Variants in MTRR observed in about 807,000 individuals in gnomAD.
MTRR encodes methionine synthase reductase.
Under a neutral mutation model 79.2 loss-of-function variants are expected in MTRR, and 63 were observed. That is an observed-to-expected ratio of 0.80 (90% confidence interval 0.65 to 0.98). MTRR has a LOEUF of 0.98. Ranked by LOEUF, MTRR falls within the 50% of genes least tolerant of loss-of-function variation. MTRR has a pLI of 0.00. For synonymous variants in MTRR, 355 were observed against 313.3 expected (o/e 1.13, Z -1.41); for missense variants, 895 against 839.6 (o/e 1.07, Z -0.82).
chr5:7,886,620 A>C lies in MTRR; in HGVS notation c.1063A>C (p.Thr355Pro), dbSNP rs375332745. ...IKADTKKKGA[T>P]LPQHIPAGCS... ...TCCCGTCTTTACCTGAAAAGGAGCT[A>C]CCTTACCCCAGCATATACCTGCGGG... The change falls in exon 8 of 15, where the codon ACC (threonine) becomes CCC (proline). Residue 355 changes from threonine (T) to proline (P), a missense_variant. By Grantham distance (38) the Thr-to-Pro change is conservative (BLOSUM62 -1). Transcript: ENST00000440940. 6.8e-6 allele frequency: 11 copies of C among 1,612,742 alleles called. No homozygotes were observed. The highest frequency in any genetic ancestry group is 7.6e-6 in the Non-Finnish European group (9 of 1,178,942).
chr5:7,866,594 G>A, upstream of MTRR: 7 of 1,342,290 alleles, frequency 5.2e-6, no homozygotes, highest in South Asian at 2.9e-5. Context: ...TGAAACCACT[G>A]CCAGTTCAAA....
At chr5:7,895,419 C>T (rs1391365957) in intron 11 of MTRR, among the ~76,000 whole-genome samples, 1 of 152,016 alleles carries the variant, frequency 6.6e-6, no homozygotes, top group Non-Finnish European at 1.5e-5. Context: ...TATTGTCTGC[C>T]CACCAGAAAG....
chr5:7,875,228 G>GTATTTGCATTA, intron 3 of MTRR, 30 bp from the exon 4 acceptor site: 1 of 1,404,956 alleles, frequency 7.1e-7, no homozygotes, highest in East Asian at 2.3e-5. Flanking sequence ...AAACTTTATT[G>GTATTTGCATTA]TGCATTAATT....
intron 1 of MTRR, among the ~76,000 whole-genome samples, chr5:7,856,355 T>A (rs918313228): frequency 3.3e-5 from 5 of 152,180 alleles, no homozygotes; most frequent in African/African-American, 1.2e-4. Context: ...TCCTTGATGA[T>A]AATTAACAAA....
chr5:7,881,369 A>G (rs188034812), intron 5 of MTRR, among the ~76,000 whole-genome samples: 106 of 151,814 alleles, frequency 7.0e-4, no homozygotes, highest in Admixed American at 1.5e-3. Flanking sequence ...AGAAGAGGGG[A>G]TGGGGTGTGG....
chr5:7,889,194 T>G lies in MTRR; in HGVS notation c.1246T>G (p.Phe416Val), dbSNP rs769915505. ...SKQGAADYSR[F>V]VRDACACLLD... The stretch of plus-strand genomic sequence containing the variant: ...ACAAGGGGCAGCCGATTATAGCCGC[T>G]TTGTACGAGATGCCTGTGCCTGCTT... The change falls in exon 9 of 15, where the codon TTT becomes GTT. Residue 416 changes from phenylalanine (F) to valine (V), a missense_variant. By Grantham distance (50) the Phe-to-Val change is conservative. Coordinates refer to ENST00000440940, the MANE Select transcript of MTRR (RefSeq NM_002454.3). 6.2e-7 allele frequency: 1 copy of G among 1,613,986 alleles called. No individual in the cohort carries two copies. Among genetic ancestry groups the G allele is most frequent in the Non-Finnish European group, 8.5e-7 (1 of 1,180,026 alleles).
intron 12 of MTRR, among the ~76,000 whole-genome samples, chr5:7,896,135 T>G (rs1459235518): frequency 2.0e-5 from 3 of 152,194 alleles, no homozygotes; most frequent in African/African-American, 4.8e-5. Flanking sequence ...TGGGCATACC[T>G]TCGTACTGTG....
intron 2 of MTRR, 130 bp from the exon 3 acceptor site, chr5:7,873,243 C>T (rs1189960846): frequency 4.4e-6 from 5 of 1,125,602 alleles, no homozygotes; most frequent in South Asian, 1.3e-5. Flanking sequence ...CTGGACTGGT[C>T]GTCTCAAAAA....
upstream of MTRR, chr5:7,867,973 G>A: frequency 6.2e-7 from 1 of 1,614,118 alleles, no homozygotes; most frequent in Non-Finnish European, 8.5e-7. Flanking sequence ...GACGCTCCTT[G>A]ACTACCTTGT....
chr5:7,872,870 C>T (rs1748225398), intron 2 of MTRR, among the ~76,000 whole-genome samples: 1 of 152,162 alleles, frequency 6.6e-6, no homozygotes, highest in South Asian at 2.1e-4. Context: ...GACGTTTCCA[C>T]CCAGTTAGCT....
chr5:7,875,068 A>G (rs144614769), intron 3 of MTRR, 190 bp from the exon 4 acceptor site: 3 of 595,608 alleles, frequency 5.0e-6, no homozygotes, highest in Non-Finnish European at 8.9e-6. Flanking sequence ...TGCTACTTTT[A>G]TATTGTAAAA....
chr5:7,890,205 A>T, intron 9 of MTRR: 1 of 954,516 alleles, frequency 1.0e-6, no homozygotes, highest in South Asian at 4.8e-5. Flanking sequence ...TGCCCAGTAC[A>T]ATTAAAGGCA....
intron 12 of MTRR, chr5:7,896,399 G>A (rs753824864): frequency 6.2e-5 from 13 of 208,772 alleles, no homozygotes; most frequent in Non-Finnish European, 1.3e-4. Flanking sequence ...CCTGTCCTTC[G>A]GACAGTTATT....
intron 2 of MTRR, 66 bp downstream of exon 2, chr5:7,870,989 T>G: frequency 6.3e-7 from 1 of 1,593,716 alleles, no homozygotes; most frequent in Non-Finnish European, 8.6e-7. Flanking sequence ...GAAGTGATAT[T>G]TATGAAACAA....
At position 7,900,022 on chromosome 5, in the gene MTRR, A is replaced by G; in HGVS notation, c.2061A>G (p.Lys687=). The change falls in exon 15 of 15, where the codon AAA becomes AAG. Residue 687 remains lysine (K), a synonymous_variant. Coordinates refer to ENST00000440940, the MANE Select transcript of MTRR (RefSeq NM_002454.3). ...LEAMKTLATL[K]EEKRYLQDIW... ...CAATGAAAACCCTGGCCACTTTAAA[A>G]GAAGAAAAACGCTACCTTCAGGATA... The G allele has an allele frequency of 6.2e-7, 1 of 1,614,018 alleles. No individual in the cohort carries two copies. Among genetic ancestry groups the G allele is most frequent in the Non-Finnish European group, 8.5e-7 (1 of 1,180,002 alleles).
At chr5:7,873,341 T>C in intron 2 of MTRR, 32 bp from the exon 3 acceptor site, 1 of 1,613,646 alleles carries the variant, frequency 6.2e-7, no homozygotes. Context: ...CATGTAGTGT[T>C]AGGTCCCTGA....
Position 7,895,852 on chromosome 5 carries a change from G to A in MTRR, c.1676G>A (p.Arg559Lys). The A allele has an allele frequency of 6.2e-7, 1 of 1,614,022 alleles. No individual in the cohort carries two copies. The highest frequency in any genetic ancestry group is 8.5e-7 in the Non-Finnish European group (1 of 1,179,946). The change falls in exon 12 of 15, where the codon AGA becomes AAA. Residue 559 changes from arginine (R) to lysine (K), a missense_variant and splice_region_variant. Coordinates refer to ENST00000440940, the MANE Select transcript of MTRR (RefSeq NM_002454.3). The stretch of plus-strand genomic sequence containing the variant: ...CCGTTTATTGGGTTCCTACAACATA[G>A]GTATGTTCTTTTTTTGGCTAATGGG... ...IAPFIGFLQH[R>K]EKLQEQHPDG... is the part of the protein sequence containing the mutation.
intron 11 of MTRR, among the ~76,000 whole-genome samples, chr5:7,895,046 T>C (rs934611623): frequency 1.1e-4 from 17 of 152,304 alleles, no homozygotes; most frequent in African/African-American, 3.8e-4. Flanking sequence ...TTAAAATGTA[T>C]ACAGTTACAC....
At chr5:7,869,261 C>G (rs1202807852) in intron 1 of MTRR, 46 bp downstream of exon 1, 3 of 1,595,674 alleles carry the variant, frequency 1.9e-6, no homozygotes, top group African/African-American at 1.3e-5. Flanking sequence ...GCCGCTCGCC[C>G]TGCACTAATC....
Sources: gnomAD v4.1 joint callset for allele counts (sites outside exome capture counted in the v4.1 genomes callset) on GRCh38, gnomAD v4.1.1 for gene constraint, MANE v1.5 for transcripts, NCBI Gene and HGNC (gene_info 2026-07-23, HGNC 2026-07-21) for gene names.